Variants in TNR observed in about 807,000 individuals in gnomAD.
TNR encodes the protein tenascin-R.
In TNR, 45 loss-of-function variants were observed where a neutral mutation model predicts 150.4. The observed-to-expected ratio is 0.30, with a 90% CI of 0.24 to 0.38. TNR has a LOEUF of 0.38. Ranked by LOEUF, TNR falls within the 10% of genes least tolerant of loss-of-function variation. TNR has a pLI of 1.00. For missense variants in TNR, 1,544 were observed against 1,759.1 expected (o/e 0.88, Z 2.19); for synonymous variants, 687 against 678.4 (o/e 1.01, Z -0.20).
chr1:175,405,166 C>T (rs927302040), intron 3 of TNR, among the ~76,000 whole-genome samples: 14 of 152,184 alleles, frequency 9.2e-5, no homozygotes, highest in Admixed American at 6.5e-5. Flanking sequence ...GTCTAAGGTA[C>T]CTTTTGGGAG....
chr1:175,505,508 C>T (rs192297515), intron 2 of TNR, among the ~76,000 whole-genome samples: 258 of 152,324 alleles, frequency 1.7e-3, no homozygotes, highest in African/African-American at 5.9e-3. Flanking sequence ...CCAGAGACGT[C>T]AGAGTAGCGC....
intron 10 of TNR, 72 bp downstream of exon 10, chr1:175,367,136 G>T: frequency 7.1e-7 from 1 of 1,402,686 alleles, no homozygotes; most frequent in Non-Finnish European, 1.0e-6. Flanking sequence ...AATTTTTGCT[G>T]GGACGAGCCT....
At chr1:175,709,520 A>G (rs1666940169) in intron 1 of TNR, among the ~76,000 whole-genome samples, 1 of 152,216 alleles carries the variant, frequency 6.6e-6, no homozygotes, top group Admixed American at 6.5e-5. Context: ...GAAGTAAAAC[A>G]CATGTGTTGT....
In TNR at chr1:175,321,548, A is replaced by G. The variant is rs1649052889; in HGVS notation, c.*1809T>C. On this transcript the variant is annotated 3_prime_UTR_variant, in exon 23 of 23. Transcript: ENST00000367674. ...AGGAATGGGAGAGGAAAGGGAGAAG[A>G]CAGCTCAGGGAACTGGGCATGGATC... is the stretch of plus-strand genomic sequence containing the variant. The G allele has an allele frequency of 6.6e-6, 1 of 152,602 alleles. No homozygotes were observed. Among genetic ancestry groups the G allele is most frequent in the African/African-American group, 2.4e-5 (1 of 41,454 alleles). The allele number at this position is 152,602 out of a possible 1,614,324, so 9.5% of individuals were successfully genotyped here.
In TNR at chr1:175,323,363, C is replaced by A. The variant is rs142664142; in HGVS notation, c.4071G>T (p.Gln1357His). 429 of 1,614,006 alleles carry A rather than the reference C, an allele frequency of 2.7e-4. 2 individuals are homozygous for A. Among genetic ancestry groups the A allele is most frequent in the South Asian group, 1.4e-3 (132 of 91,076 alleles). ...LMAGRKRQSL[Q>H]F ...GCTTGCAGCCGCCCACTGCTCAGAACTGTAAGGACTGCCGTTTTCTCCCTG... is the reference window on the plus strand; with the variant it reads ...GCTTGCAGCCGCCCACTGCTCAGAAATGTAAGGACTGCCGTTTTCTCCCTG... Residue 1357 changes from glutamine to histidine, a missense_variant, in exon 23 of 23, where the codon CAG becomes CAT. This residue lies in a region of TNR where 290 missense variants were observed against 429.7 expected (regional missense o/e 0.67). Transcript: ENST00000367674.
chr1:175,535,424 C>T (rs900952024), intron 1 of TNR, among the ~76,000 whole-genome samples: 1 of 150,500 alleles, frequency 6.6e-6, no homozygotes, highest in African/African-American at 2.4e-5. Context: ...ATCTGTATTT[C>T]TTTTTTATTT....
At position 175,619,572 on chromosome 1, in the gene TNR, A is replaced by G. The variant is rs1412800733; in HGVS notation, c.-164-91203T>C. Among the ~76,000 whole-genome samples, 9 of 152,196 alleles carry G rather than the reference A, an allele frequency of 5.9e-5. No homozygotes were observed. The South Asian group carries it at 1.9e-3, about 31-fold the overall frequency. On this transcript the variant is annotated intron_variant, in intron 1 of 22. Transcript: ENST00000367674. Reference sequence around the variant, plus strand: ...CCTCCACAGCTCGCTTTGGACCTGAAAAAAGAGTAAACCAATACCAGCCAT... The same window carrying G: ...CCTCCACAGCTCGCTTTGGACCTGAGAAAAGAGTAAACCAATACCAGCCAT...
chr1:175,331,048 T>TCTTTCTTTCTTTCTTGCTTG lies in TNR; in HGVS notation c.3632-814_3632-813insCAAGCAAGAAAGAAAGAAAG, dbSNP rs1557867570. Among the ~76,000 whole-genome samples, 10 of 90,664 alleles carry TCTTTCTTTCTTTCTTGCTTG rather than the reference T, an allele frequency of 1.1e-4. 1 individual carries two copies. The highest frequency in any genetic ancestry group is 4.0e-4 in the African/African-American group (10 of 25,228). 59.5% of individuals were successfully genotyped at this position (90,664 alleles called of 152,430 possible). Reference sequence around the variant, plus strand: ...TTCTTTCTTTCTTTCTTTCTTTCTTTCTTTCTTTCTTTCTTTCTTTCTTTC... The same window carrying TCTTTCTTTCTTTCTTGCTTG: ...TTCTTTCTTTCTTTCTTTCTTTCTTTCTTTCTTTCTTTCTTGCTTGCTTTCTTTCTTTCTTTCTTTCTTTC... On this transcript the variant is annotated intron_variant, in intron 20 of 22. Coordinates refer to ENST00000367674, the MANE Select transcript of TNR (RefSeq NM_003285.3).
chr1:175,555,342 A>G (rs1277189881), intron 1 of TNR, among the ~76,000 whole-genome samples: 1 of 152,126 alleles, frequency 6.6e-6, no homozygotes, highest in Non-Finnish European at 1.5e-5. Flanking sequence ...CACATTTTCT[A>G]GTTCCTAATA....
rs149907093 is a variant in TNR at position 175,437,950 on chromosome 1, C to T, written c.-63-31173G>A. On this transcript the variant is annotated intron_variant, in intron 2 of 22. Coordinates refer to ENST00000367674, the MANE Select transcript of TNR (RefSeq NM_003285.3). Reference sequence around the variant, plus strand: ...GCCCAGCTGAATTCTACCAGAGGTACAAGGAGGAGCTGGTACCATTCCTTC... The same window carrying T: ...GCCCAGCTGAATTCTACCAGAGGTATAAGGAGGAGCTGGTACCATTCCTTC... Among the ~76,000 whole-genome samples, 940 of 152,266 alleles carry T rather than the reference C, an allele frequency of 6.2e-3. 8 individuals carry two copies. The highest frequency in any genetic ancestry group is 0.022 in the African/African-American group (898 of 41,542).
At chr1:175,588,441 C>T (rs1328247016) in intron 1 of TNR, among the ~76,000 whole-genome samples, 1 of 152,188 alleles carries the variant, frequency 6.6e-6, no homozygotes, top group South Asian at 2.1e-4. Context: ...TTTGGCACTC[C>T]TGAAAGCTGC....
At chr1:175,366,837 A>T (rs1259591577) in intron 10 of TNR, among the ~76,000 whole-genome samples, 2 of 152,094 alleles carry the variant, frequency 1.3e-5, no homozygotes, top group Non-Finnish European at 2.9e-5. Flanking sequence ...GTTTGTGAGG[A>T]CCTCTGTGGT....
At chr1:175,382,726 C>T (rs1266368395) in intron 8 of TNR, among the ~76,000 whole-genome samples, 1 of 152,020 alleles carries the variant, frequency 6.6e-6, no homozygotes, top group Non-Finnish European at 1.5e-5. Flanking sequence ...ATGGTGAAAC[C>T]TCATCTCTAC....
intron 1 of TNR, among the ~76,000 whole-genome samples, chr1:175,533,805 A>G (rs1458381426): frequency 2.0e-5 from 3 of 152,144 alleles, no homozygotes; most frequent in Non-Finnish European, 2.9e-5. Context: ...TTTGAAATTG[A>G]GTGGTGCCTT....
At chr1:175,334,194 G>T (rs1240342427) in intron 20 of TNR, among the ~76,000 whole-genome samples, 2 of 152,210 alleles carry the variant, frequency 1.3e-5, no homozygotes, top group African/African-American at 2.4e-5. Context: ...GACAGTGAGA[G>T]AAATCTAACA....
rs370853708 is a variant in TNR, at chr1:175,365,932, C to T, written c.2260G>A (p.Val754Ile). The change falls in exon 11 of 23, where the codon GTC becomes ATC. Residue 754 changes from valine (V) to isoleucine (I), a missense_variant. Around this residue, in one of 2 missense-constraint regions of TNR, gnomAD observed 1,254 missense variants for 1,329.4 expected, o/e 0.94. Coordinates refer to ENST00000367674, the MANE Select transcript of TNR (RefSeq NM_003285.3). Reference protein sequence around the residue: ...LEPGAEYIISVTAERGRQQSL... With the variant: ...LEPGAEYIISITAERGRQQSL... Reference sequence around the variant, plus strand: ...TGCTGCCGACCCCTCTCAGCAGTGACGGAAATGATGTACTCTGCCCCAGGC... The same window carrying T: ...TGCTGCCGACCCCTCTCAGCAGTGATGGAAATGATGTACTCTGCCCCAGGC... 3.3e-5 allele frequency: 53 copies of T among 1,613,950 alleles called. No individual in the cohort carries two copies. Among genetic ancestry groups the T allele is most frequent in the Admixed American group, 8.3e-5 (5 of 59,992 alleles).
At chr1:175,586,942 A>G (rs1414119747) in intron 1 of TNR, among the ~76,000 whole-genome samples, 1 of 152,232 alleles carries the variant, frequency 6.6e-6, no homozygotes, top group African/African-American at 2.4e-5. Flanking sequence ...GCTCTACTTA[A>G]TGAAACATCA....
chr1:175,698,011 T>C (rs914544506), intron 1 of TNR, among the ~76,000 whole-genome samples: 2 of 152,236 alleles, frequency 1.3e-5, no homozygotes, highest in African/African-American at 4.8e-5. Context: ...TCCACTAAAA[T>C]ATTTCCCCTG....
At chr1:175,483,806 T>C (rs1657902683) in intron 2 of TNR, among the ~76,000 whole-genome samples, 1 of 152,214 alleles carries the variant, frequency 6.6e-6, no homozygotes, top group African/African-American at 2.4e-5. Context: ...TGAGCATCTC[T>C]GAGGCTAGAG....
Sources: allele counts gnomAD v4.1 joint callset (sites outside exome capture counted in the v4.1 genomes callset), GRCh38; gene constraint gnomAD v4.1.1; regional missense constraint gnomAD v4.1.1; transcripts MANE v1.5; gene names NCBI Gene and HGNC (gene_info 2026-07-23, HGNC 2026-07-21).